Variants in SUPT3H observed in about 807,000 individuals in gnomAD.
SUPT3H encodes transcription initiation protein SPT3 homolog.
In SUPT3H, 44 loss-of-function variants were observed where a neutral mutation model predicts 44.3. The observed-to-expected ratio is 0.99, with a 90% confidence interval of 0.78 to 1.28. The LOEUF is 1.28. Among genes scored for constraint, SUPT3H ranks in the 50% most tolerant of loss-of-function variants. The probability of loss-of-function intolerance (pLI) is 0.00; values close to 1 mark genes in which losing one functional copy is unlikely to be tolerated. For missense variants in SUPT3H, 380 were observed against 387.1 expected, an observed-to-expected ratio of 0.98 and a Z score of 0.15; for synonymous variants, 124 against 125.6, an observed-to-expected ratio of 0.99 and a Z score of 0.09.
intron 6 of SUPT3H, among the ~76,000 whole-genome samples, chr6:44,991,796 T>C (rs1004325584): frequency 1.3e-5 from 2 of 152,236 alleles, no homozygotes; most frequent in Middle Eastern, 3.4e-3. Flanking sequence ...AAATTATCTA[T>C]ACCAAACAAA....
chr6:44,810,579 ATAGGACT>A (rs1372786147), intron 11 of SUPT3H, among the ~76,000 whole-genome samples: 1 of 143,900 alleles, frequency 6.9e-6, no homozygotes, highest in African/African-American at 2.6e-5. Context: ...GATGTGTCAT[ATAGGACT>A]TAATAGCCTT....
intron 3 of SUPT3H, among the ~76,000 whole-genome samples, chr6:45,049,071 A>G (rs1789871376): frequency 6.6e-6 from 1 of 151,968 alleles, no homozygotes; most frequent in East Asian, 1.9e-4. Flanking sequence ...GAAGTAATAC[A>G]TATATTAATT....
Position 45,302,546 on chromosome 6 carries a change from TATATATATATGC to T in SUPT3H, c.101+62643_101+62654del, listed in dbSNP as rs1389098777. Among the ~76,000 whole-genome samples, 600 of 91,960 alleles carry T rather than the reference TATATATATATGC, an allele frequency of 6.5e-3. 3 individuals carry two copies. Among genetic ancestry groups the T allele is most frequent in the Middle Eastern group, 0.034 (6 of 174 alleles). The allele number at this position is 91,960 out of a possible 152,430, so 60.3% of individuals were successfully genotyped here. The stretch of plus-strand genomic sequence containing the variant: ...ATATATATATATATATATATATATA[TATATATATATGC>T]ATGCCACAATTTATTTATCTACTTA... On this transcript the variant is annotated intron_variant, in intron 2 of 10. Transcript: ENST00000371459.
chr6:45,246,112 T>C (rs1192707345), intron 2 of SUPT3H, among the ~76,000 whole-genome samples: 2 of 152,248 alleles, frequency 1.3e-5, no homozygotes, highest in Admixed American at 6.5e-5. Context: ...CATTTTTTAA[T>C]TGGGTTGTTT....
chr6:45,166,073 A>G (rs1809789246), intron 2 of SUPT3H, among the ~76,000 whole-genome samples: 1 of 152,192 alleles, frequency 6.6e-6, no homozygotes, highest in Admixed American at 6.5e-5. Flanking sequence ...CAGGAGAATC[A>G]CTTGAGCCCA....
intron 1 of SUPT3H, among the ~76,000 whole-genome samples, chr6:45,369,310 C>T (rs1188053953): frequency 1.3e-5 from 2 of 152,086 alleles, no homozygotes; most frequent in Non-Finnish European, 2.9e-5. Context: ...ATCTCTCAAC[C>T]TACCCAAACT....
intron 2 of SUPT3H, among the ~76,000 whole-genome samples, chr6:45,157,899 G>A (rs976904327): frequency 7.9e-5 from 12 of 151,300 alleles, no homozygotes; most frequent in Non-Finnish European, 1.8e-4. Flanking sequence ...AGCCAAGGAT[G>A]AGAATCGTTA....
At chr6:45,112,407 T>TA (rs897950390) in intron 2 of SUPT3H, among the ~76,000 whole-genome samples, 1 of 151,198 alleles carries the variant, frequency 6.6e-6, no homozygotes, top group African/African-American at 2.4e-5. Context: ...TCCTTAAATT[T>TA]AAAAAAAAAG....
intron 10 of SUPT3H, among the ~76,000 whole-genome samples, chr6:44,838,153 G>A (rs146986763): frequency 2.6e-5 from 4 of 152,188 alleles, no homozygotes; most frequent in East Asian, 3.9e-4. Context: ...AATTACATTC[G>A]GTAGCCACCT....
intron 2 of SUPT3H, among the ~76,000 whole-genome samples, chr6:45,355,794 A>G (rs1793046983): frequency 6.6e-6 from 1 of 152,202 alleles, no homozygotes; most frequent in South Asian, 2.1e-4. Context: ...TGACTTAGAA[A>G]TGGGTTGTAT....
intron 10 of SUPT3H, among the ~76,000 whole-genome samples, chr6:44,917,841 T>C (rs1768056891): frequency 2.6e-5 from 4 of 152,306 alleles, no homozygotes; most frequent in South Asian, 2.1e-4. Flanking sequence ...TATCATCATA[T>C]ATTATATAGA....
chr6:45,277,489 A>C (rs1322922779), intron 2 of SUPT3H, among the ~76,000 whole-genome samples: 1 of 152,182 alleles, frequency 6.6e-6, no homozygotes, highest in Non-Finnish European at 1.5e-5. Flanking sequence ...TATCTCTACT[A>C]GCCATAAACT....
intron 2 of SUPT3H, among the ~76,000 whole-genome samples, chr6:45,191,146 G>A (rs1422804347): frequency 6.6e-6 from 1 of 151,912 alleles, no homozygotes; most frequent in Non-Finnish European, 1.5e-5. Context: ...ATTTATAATT[G>A]CCAAAACTAG....
chr6:44,912,970 C>T (rs772404681), intron 10 of SUPT3H, among the ~76,000 whole-genome samples: 2 of 152,142 alleles, frequency 1.3e-5, no homozygotes, highest in African/African-American at 2.4e-5. Flanking sequence ...TGGAAAATGC[C>T]TTCTTCCCAA....
intron 2 of SUPT3H, among the ~76,000 whole-genome samples, chr6:45,286,786 T>A (rs1239556651): frequency 6.6e-6 from 1 of 152,180 alleles, no homozygotes; most frequent in East Asian, 1.9e-4. Flanking sequence ...TAAAGACACA[T>A]GCACACGTAT....
chr6:44,885,252 T>C (rs566765632), intron 10 of SUPT3H, among the ~76,000 whole-genome samples: 42 of 152,256 alleles, frequency 2.8e-4, no homozygotes, highest in African/African-American at 8.9e-4. Flanking sequence ...CTGACAGCTT[T>C]GAAGAGAGCA....
At chr6:45,042,078 T>C (rs985235358) in intron 3 of SUPT3H, among the ~76,000 whole-genome samples, 7 of 152,172 alleles carry the variant, frequency 4.6e-5, no homozygotes, top group African/African-American at 9.7e-5. Flanking sequence ...AAAACTTGAA[T>C]TTAATATTAT....
chr6:45,112,996 T>C (rs999247172), intron 2 of SUPT3H, among the ~76,000 whole-genome samples: 1 of 151,364 alleles, frequency 6.6e-6, no homozygotes, highest in Non-Finnish European at 1.5e-5. Flanking sequence ...TCTGGTTTTT[T>C]TGGATGTTTT....
chr6:45,239,678 T>C (rs1362907519), intron 2 of SUPT3H, among the ~76,000 whole-genome samples: 1 of 152,236 alleles, frequency 6.6e-6, no homozygotes, highest in African/African-American at 2.4e-5. Flanking sequence ...TGCAGTGTTT[T>C]ACAGTGATAG....
Sources: gnomAD v4.1 joint callset for allele counts (sites outside exome capture counted in the v4.1 genomes callset) on GRCh38, gnomAD v4.1.1 for gene constraint, MANE v1.5 for transcripts, NCBI Gene and HGNC (gene_info 2026-07-23, HGNC 2026-07-21) for gene names.